Variants in PPP1R9A observed in about 807,000 individuals in gnomAD.
PPP1R9A encodes neurabin-1.
A neutral mutation model predicts 141.9 loss-of-function variants in PPP1R9A; 59 were observed. The observed-to-expected ratio is 0.42, with a 90% CI of 0.34 to 0.52. The LOEUF (loss-of-function observed/expected upper bound fraction) is 0.52. PPP1R9A is among the 20% of genes least tolerant of loss of function. The pLI, the probability that PPP1R9A is intolerant of heterozygous loss-of-function variation, is 0.10. For missense variants in PPP1R9A, 1,444 were observed against 1,611.9 expected (o/e 0.90, Z 1.78); for synonymous variants, 500 against 569.7 (o/e 0.88, Z 1.74).
At chr7:95,039,260 C>T (rs1161001859) in intron 2 of PPP1R9A, among the ~76,000 whole-genome samples, 4 of 151,946 alleles carry the variant, frequency 2.6e-5, no homozygotes, top group Admixed American at 2.0e-4. Context: ...AGAATGGAGT[C>T]GAAAACTCGA....
intron 16 of PPP1R9A, among the ~76,000 whole-genome samples, chr7:95,283,335 A>G (rs1356399150): frequency 6.6e-6 from 1 of 152,218 alleles, no homozygotes; most frequent in African/African-American, 2.4e-5. Flanking sequence ...ATTCTTAACA[A>G]ACACATATGA....
intron 2 of PPP1R9A, among the ~76,000 whole-genome samples, chr7:95,050,543 T>C (rs528958530): frequency 2.4e-4 from 37 of 152,106 alleles, no homozygotes; most frequent in African/African-American, 8.2e-4. Context: ...GCCTGACCAA[T>C]GTGGTGATAC....
chr7:94,974,831 A>G (rs893774491), intron 2 of PPP1R9A, among the ~76,000 whole-genome samples: 4 of 151,266 alleles, frequency 2.6e-5, no homozygotes, highest in African/African-American at 9.7e-5. Context: ...CAAGTTATAG[A>G]GAAGAGAAAG....
intron 2 of PPP1R9A, among the ~76,000 whole-genome samples, chr7:95,033,661 C>G (rs1377860151): frequency 6.6e-6 from 1 of 151,990 alleles, no homozygotes; most frequent in African/African-American, 2.4e-5. Flanking sequence ...ACATTAAGTC[C>G]TGAAAACTTA....
At chr7:95,256,351 A>T (rs1799585391) in intron 12 of PPP1R9A, among the ~76,000 whole-genome samples, 1 of 152,176 alleles carries the variant, frequency 6.6e-6, no homozygotes, top group Non-Finnish European at 1.5e-5. Flanking sequence ...AAATCAACAC[A>T]TTAACTAGAG....
chr7:94,931,757 T>C (rs974884557), intron 2 of PPP1R9A, among the ~76,000 whole-genome samples: 1 of 152,172 alleles, frequency 6.6e-6, no homozygotes, highest in Non-Finnish European at 1.5e-5. Flanking sequence ...TTCGTATTTT[T>C]AGTAGAGACA....
At chr7:94,933,987 C>T (rs926026996) in intron 2 of PPP1R9A, among the ~76,000 whole-genome samples, 6 of 152,282 alleles carry the variant, frequency 3.9e-5, no homozygotes, top group Non-Finnish European at 4.4e-5. Flanking sequence ...CGTATGTTCT[C>T]AATTTGGGAC....
chr7:95,248,755 T>C (rs899321398), intron 9 of PPP1R9A, among the ~76,000 whole-genome samples: 9 of 152,174 alleles, frequency 5.9e-5, no homozygotes, highest in Non-Finnish European at 7.4e-5. Flanking sequence ...GCATGTAATA[T>C]CCACAGATTA....
chr7:95,280,633 A>G (rs529352171), intron 16 of PPP1R9A, among the ~76,000 whole-genome samples: 13 of 152,190 alleles, frequency 8.5e-5, no homozygotes, highest in African/African-American at 1.4e-4. Context: ...GGAGTGACTT[A>G]TGATTCTCTT....
chr7:95,080,298 GACAA>G (rs1386882200), intron 2 of PPP1R9A, among the ~76,000 whole-genome samples: 4 of 151,826 alleles, frequency 2.6e-5, no homozygotes, highest in South Asian at 2.1e-4. Context: ...ACCAATAACA[GACAA>G]ACAGAGAGCC....
intron 4 of PPP1R9A, among the ~76,000 whole-genome samples, chr7:95,141,086 A>G (rs1395908201): frequency 1.3e-5 from 2 of 152,084 alleles, no homozygotes; most frequent in Admixed American, 6.6e-5. Flanking sequence ...TAACATTCCT[A>G]TTTTCTATGG....
At chr7:95,024,202 T>C (rs1268008465) in intron 2 of PPP1R9A, among the ~76,000 whole-genome samples, 2 of 152,200 alleles carry the variant, frequency 1.3e-5, no homozygotes, top group Non-Finnish European at 2.9e-5. Flanking sequence ...CTTCCAATTA[T>C]GTGGTCAATT....
chr7:95,119,266 A>G (rs1353103647), intron 3 of PPP1R9A, among the ~76,000 whole-genome samples: 2 of 152,200 alleles, frequency 1.3e-5, no homozygotes, highest in Non-Finnish European at 2.9e-5. Context: ...ACAAATGGAA[A>G]TATGGATAAA....
rs185640089 is a variant in PPP1R9A at position 95,178,868 on chromosome 7, G to T, written c.1754+16897G>T. 6.3e-4 allele frequency among the ~76,000 whole-genome samples: 96 copies of T among 152,244 alleles called. 4 individuals carry two copies. Among genetic ancestry groups the T allele is most frequent in the Admixed American group, 5.8e-3 (89 of 15,284 alleles). On this transcript the variant is annotated intron_variant, in intron 5 of 19. Transcript: ENST00000433360. ...TGAACACTCCAATAACAAGTAGTGA[G>T]ATTGAAATGGTAATTTAAAAATTAC...
chr7:95,079,607 G>A (rs1370724609), intron 2 of PPP1R9A, among the ~76,000 whole-genome samples: 1 of 151,948 alleles, frequency 6.6e-6, no homozygotes, highest in African/African-American at 2.4e-5. Context: ...GCATCATCCT[G>A]ATACCAAAGC....
chr7:94,954,831 ATGCGTGTGTGTG>A (rs1228891972), intron 2 of PPP1R9A, among the ~76,000 whole-genome samples: 4 of 91,440 alleles, frequency 4.4e-5, no homozygotes, highest in African/African-American at 1.7e-4. Context: ...GTTTGTAAAT[ATGCGTGTGTGTG>A]TGTGTGTGTG....
At chr7:95,097,895 T>A (rs148776868) in intron 2 of PPP1R9A, among the ~76,000 whole-genome samples, 46 of 152,336 alleles carry the variant, frequency 3.0e-4, no homozygotes, top group African/African-American at 9.4e-4. Context: ...GGAATTGGTT[T>A]ATGCATATGT....
At chr7:94,925,324 C>T in intron 2 of PPP1R9A, among the ~76,000 whole-genome samples, 1 of 152,112 alleles carries the variant, frequency 6.6e-6, no homozygotes, top group East Asian at 1.9e-4. Flanking sequence ...TTAAAAACAC[C>T]CCCACAGAAA....
At chr7:94,976,587 A>T (rs1039608475) in intron 2 of PPP1R9A, among the ~76,000 whole-genome samples, 1 of 152,110 alleles carries the variant, frequency 6.6e-6, no homozygotes, top group African/African-American at 2.4e-5. Flanking sequence ...TGATCCACCT[A>T]TCTCAGCCTA....
Sources: allele counts gnomAD v4.1 joint callset (sites outside exome capture counted in the v4.1 genomes callset), GRCh38; gene constraint gnomAD v4.1.1; transcripts MANE v1.5; gene names NCBI Gene and HGNC (gene_info 2026-07-23, HGNC 2026-07-21).